WFDC9: variants seen among roughly 807,000 people sequenced by gnomAD.
The protein encoded by WFDC9 is WAP four-disulfide core domain 9, also known as protein WFDC9.
In WFDC9, 9 loss-of-function variants were observed where a neutral mutation model predicts 9.5. The ratio of observed to expected loss-of-function variants is 0.95; its 90% CI spans 0.57 to 1.65. The LOEUF is 1.65. Ranked by LOEUF, WFDC9 falls within the 40% of genes most tolerant of loss-of-function variation. WFDC9 has a pLI of 0.00. For missense variants in WFDC9, 87 were observed against 106.7 expected (o/e 0.82, Z 0.81); for synonymous variants, 33 against 32.3 (o/e 1.02, Z -0.07).
chr20:45,614,140 C>T (rs1981921851), intron 2 of WFDC9, among the ~76,000 whole-genome samples: 1 of 152,128 alleles, frequency 6.6e-6, no homozygotes, highest in Non-Finnish European at 1.5e-5. Flanking sequence ...TTCTTTCTTT[C>T]CCCTTGCCCT....
At chr20:45,618,409 A>G (rs1034448045) in intron 1 of WFDC9, among the ~76,000 whole-genome samples, 1 of 152,198 alleles carries the variant, frequency 6.6e-6, no homozygotes, top group African/African-American at 2.4e-5. Context: ...TGCATTCACA[A>G]CTTGGCTGTT....
At chr20:45,622,913 C>G (rs1248576270) in intron 1 of WFDC9, among the ~76,000 whole-genome samples, 2 of 152,142 alleles carry the variant, frequency 1.3e-5, no homozygotes, top group Non-Finnish European at 2.9e-5. Context: ...ATTCTCATCC[C>G]ATTAACCAGC....
At chr20:45,630,673 T>C (rs1052625792) in intron 1 of WFDC9, among the ~76,000 whole-genome samples, 1 of 151,790 alleles carries the variant, frequency 6.6e-6, no homozygotes, top group African/African-American at 2.4e-5. Context: ...TGGGGTAAGG[T>C]GTACAGTGGA....
chr20:45,629,400 G>T, intron 1 of WFDC9: 1 of 154,652 alleles, frequency 6.5e-6, no homozygotes, highest in Non-Finnish European at 1.4e-5. Context: ...ATATTAAAAG[G>T]ATTGTTTATA....
intron 2 of WFDC9, among the ~76,000 whole-genome samples, 186 bp from the exon 3 acceptor site, chr20:45,610,425 TTTC>T (rs914408982): frequency 1.3e-5 from 2 of 152,168 alleles, no homozygotes; most frequent in African/African-American, 4.8e-5. Flanking sequence ...TGCAAAATTA[TTTC>T]TTATTAAAAT....
Position 45,625,654 on chromosome 20 carries a change from C to T in WFDC9, c.-153+5549G>A, listed in dbSNP as rs76596213. Among the ~76,000 whole-genome samples, 1,241 of 151,868 alleles carry T rather than the reference C, an allele frequency of 8.2e-3. 19 individuals carry two copies. Among genetic ancestry groups the T allele is most frequent in the African/African-American group, 0.028 (1,173 of 41,388 alleles). On this transcript the variant is annotated intron_variant, in intron 1 of 4. Coordinates refer to ENST00000326000, the MANE Select transcript of WFDC9 (RefSeq NM_147198.4). ...GCTGATTTTTGTATAGGGTGAGAGG[C>T]GAAGGTCTAATTTCATTATTCTGCA...
chr20:45,622,212 G>T (rs1385501943), intron 1 of WFDC9, among the ~76,000 whole-genome samples: 1 of 150,112 alleles, frequency 6.7e-6, no homozygotes, highest in Non-Finnish European at 1.5e-5. Flanking sequence ...TTGTCCTATT[G>T]TCACTATTTG....
chr20:45,623,114 G>A (rs982716008), intron 1 of WFDC9, among the ~76,000 whole-genome samples: 1 of 152,104 alleles, frequency 6.6e-6, no homozygotes, highest in Non-Finnish European at 1.5e-5. Flanking sequence ...GAAATTCAGA[G>A]GAGCCCAAGC....
At chr20:45,619,697 T>C (rs1006097859) in intron 1 of WFDC9, among the ~76,000 whole-genome samples, 1 of 152,208 alleles carries the variant, frequency 6.6e-6, no homozygotes, top group South Asian at 2.1e-4. Context: ...TCAATTGTAT[T>C]GATAGGCTTA....
At chr20:45,629,996 A>G (rs1348415853) in intron 1 of WFDC9, 1 of 1,510,984 alleles carries the variant, frequency 6.6e-7, no homozygotes, top group East Asian at 2.4e-5. Context: ...GGAGTTGGAA[A>G]CTCTCTGCAT....
intron 2 of WFDC9, among the ~76,000 whole-genome samples, chr20:45,610,662 T>C (rs774237261): frequency 6.6e-6 from 1 of 152,186 alleles, no homozygotes; most frequent in Non-Finnish European, 1.5e-5. Flanking sequence ...TGTAAAGAAG[T>C]TTTAGTGAAG....
chr20:45,630,043 C>A, intron 1 of WFDC9: 1 of 1,262,158 alleles, frequency 7.9e-7, no homozygotes, highest in Non-Finnish European at 1.1e-6. Flanking sequence ...AGACTCTGGA[C>A]TGTCCCTAAA....
At position 45,608,770 on chromosome 20, in the gene WFDC9, C is replaced by T. The variant is rs773219810; in HGVS notation, c.132G>A (p.Gln44=). ...MIRETEQCWV[Q]PPYKYCEKRC... is the part of the protein sequence containing the mutation. ...TTTTCTCACAGTACTTATATGGAGG[C>T]TGTACCCAGCACTGCTCAGTTTCTC... is the stretch of plus-strand genomic sequence containing the variant. The change falls in exon 4 of 5, where the codon CAG becomes CAA. Residue 44 remains glutamine, a synonymous_variant. Transcript: ENST00000326000. The T allele has an allele frequency of 4.3e-6, 7 of 1,613,924 alleles. No individual in the cohort carries two copies. Among genetic ancestry groups the T allele is most frequent in the South Asian group, 1.1e-5 (1 of 91,084 alleles).
At chr20:45,609,261 C>T (rs948980296) in intron 3 of WFDC9, among the ~76,000 whole-genome samples, 22 of 150,298 alleles carry the variant, frequency 1.5e-4, no homozygotes, top group Non-Finnish European at 2.7e-4. Flanking sequence ...TGGAGTGCAA[C>T]GGCATGATCT....
At position 45,620,436 on chromosome 20, in the gene WFDC9, A is replaced by G. The variant is rs573872941; in HGVS notation, c.-152-5715T>C. 4.6e-5 allele frequency among the ~76,000 whole-genome samples: 7 copies of G among 152,194 alleles called. No homozygotes were observed. The South Asian group carries it at 1.2e-3, about 27-fold the overall frequency. ...GAGAAACCCCGTCTCCACTAAAATT[A>G]CAAAAATTAGCTGGGTGCGGTGGCA... On this transcript the variant is annotated intron_variant, in intron 1 of 4. Transcript: ENST00000326000.
Position 45,616,458 on chromosome 20 carries a change from A to G in WFDC9, c.-152-1737T>C, listed in dbSNP as rs148854657. Among the ~76,000 whole-genome samples the G allele has an allele frequency of 4.0e-3, 606 of 152,272 alleles. 4 individuals are homozygous for G. The highest frequency in any genetic ancestry group is 0.014 in the African/African-American group (563 of 41,548). ...GAAGTCTTGAAACCCTCAGTCATTT[A>G]TAAGGATTGGAATCAACTTCTTCCA... On this transcript the variant is annotated intron_variant, in intron 1 of 4. Transcript: ENST00000326000.
At chr20:45,612,862 C>G (rs147107660) in intron 2 of WFDC9, among the ~76,000 whole-genome samples, 67 of 152,252 alleles carry the variant, frequency 4.4e-4, no homozygotes, top group African/African-American at 1.5e-3. Context: ...CCATCTACCC[C>G]CCTCATTCTC....
At chr20:45,624,770 T>A (rs932008740) in intron 1 of WFDC9, among the ~76,000 whole-genome samples, 1 of 152,228 alleles carries the variant, frequency 6.6e-6, no homozygotes, top group Non-Finnish European at 1.5e-5. Flanking sequence ...CGATCCTGAC[T>A]GGAGTGAGGT....
intron 1 of WFDC9, among the ~76,000 whole-genome samples, chr20:45,617,012 A>G (rs1418515683): frequency 6.6e-6 from 1 of 152,242 alleles, no homozygotes; most frequent in Non-Finnish European, 1.5e-5. Context: ...ATTGACTTCT[A>G]TCTATGAAAG....
Sources: gnomAD v4.1 joint callset for allele counts (sites outside exome capture counted in the v4.1 genomes callset) on GRCh38, gnomAD v4.1.1 for gene constraint, MANE v1.5 for transcripts, NCBI Gene and HGNC (gene_info 2026-07-23, HGNC 2026-07-21) for gene names.